Variants in TCEANC2 observed in about 807,000 individuals in gnomAD.
TCEANC2 encodes transcription elongation factor A N-terminal and central domain-containing protein 2.
In TCEANC2, 20 loss-of-function variants were observed where a neutral mutation model predicts 22.8. The ratio of observed to expected loss-of-function variants is 0.88; its 90% CI spans 0.62 to 1.28. The LOEUF (loss-of-function observed/expected upper bound fraction) is 1.28. Ranked by LOEUF, TCEANC2 falls within the 50% of genes most tolerant of loss-of-function variation. TCEANC2 has a pLI of 0.00. For missense variants in TCEANC2, 251 were observed against 249.7 expected (o/e 1.01, Z -0.03); for synonymous variants, 84 against 95.5 (o/e 0.88, Z 0.70).
chr1:54,109,201 A>G (rs1413533074), downstream of TCEANC2, among the ~76,000 whole-genome samples: 1 of 152,250 alleles, frequency 6.6e-6, no homozygotes, highest in East Asian at 1.9e-4. Context: ...AAGGTTTAGC[A>G]GAAATGCTGA....
chr1:54,054,233 T>C, intron 1 of TCEANC2, 148 bp from the exon 2 acceptor site: 2 of 1,439,192 alleles, frequency 1.4e-6, no homozygotes, highest in Non-Finnish European at 1.8e-6. Context: ...GATCTTTCTT[T>C]TAAAGAGAAA....
Position 54,088,731 on chromosome 1 carries a change from A to C in TCEANC2, c.379A>C (p.Lys127Gln). ...RPSIEVRSDP[K>Q]TESLRKNAQK... ...TTCTATTGAAGTTAGAAGTGATCCC[A>C]AAACCGAGTCGTTGAGGAAAAATGC... Residue 127 changes from lysine (K) to glutamine (Q), a missense_variant, in exon 4 of 5, where the codon AAA becomes CAA. Transcript: ENST00000234827. 6.2e-7 allele frequency: 1 copy of C among 1,604,058 alleles called. No individual in the cohort carries two copies. The highest frequency in any genetic ancestry group is 8.5e-7 in the Non-Finnish European group (1 of 1,175,116).
Position 54,096,521 on chromosome 1 carries a change from T to G in TCEANC2, c.*48T>G, listed in dbSNP as rs374789566. On this transcript the variant is annotated 3_prime_UTR_variant, in exon 5 of 5. Transcript: ENST00000234827. This position sits in a 1 kb window ranked among gnomAD's most constrained non-coding sequence, Gnocchi z 4.9. ...GGCCAGGCAGAGAGGAAAATGGGCC[T>G]GTCTCTGCCGTTCAAAGACGCTTTT... is the stretch of plus-strand genomic sequence containing the variant. 9.0e-6 allele frequency: 14 copies of G among 1,555,014 alleles called. No homozygotes were observed. The highest frequency in any genetic ancestry group is 1.2e-5 in the Non-Finnish European group (14 of 1,142,394).
chr1:54,108,338 C>A (rs1390987695), downstream of TCEANC2, among the ~76,000 whole-genome samples: 2 of 152,216 alleles, frequency 1.3e-5, no homozygotes, highest in Admixed American at 6.5e-5. Flanking sequence ...TCCTCACCCC[C>A]AGTACCCCAG....
chr1:54,111,457 G>C (rs969364397), exon 5 of TCEANC2: 6 of 152,166 alleles, frequency 3.9e-5, no homozygotes, highest in African/African-American at 1.4e-4. Context: ...CATGCCTAAG[G>C]GTACTACTCA....
intron 3 of TCEANC2, among the ~76,000 whole-genome samples, chr1:54,081,661 A>G (rs1348235435): frequency 6.9e-6 from 1 of 144,370 alleles, no homozygotes; most frequent in Non-Finnish European, 1.6e-5. Context: ...CCCAGACTGA[A>G]TTGCCTTTTT....
chr1:54,075,527 G>C (rs919518690), intron 3 of TCEANC2, among the ~76,000 whole-genome samples: 2 of 152,170 alleles, frequency 1.3e-5, no homozygotes, highest in Non-Finnish European at 2.9e-5. Context: ...CTAGCCATTA[G>C]GGTATGGACT....
intron 2 of TCEANC2, among the ~76,000 whole-genome samples, chr1:54,068,043 A>G (rs1354157385): frequency 1.3e-5 from 2 of 152,270 alleles, no homozygotes; most frequent in East Asian, 3.8e-4. Flanking sequence ...GAAGAACTTT[A>G]CCATCTCCTT....
downstream of TCEANC2, among the ~76,000 whole-genome samples, chr1:54,108,244 G>C (rs796201230): frequency 1.3e-5 from 2 of 152,308 alleles, no homozygotes; most frequent in African/African-American, 4.8e-5. Flanking sequence ...TCTTTGGCCT[G>C]ATTCTTGTGC....
chr1:54,110,515 G>C (rs551055793), downstream of TCEANC2, among the ~76,000 whole-genome samples: 1 of 152,148 alleles, frequency 6.6e-6, no homozygotes. Context: ...GAAGTGGGAG[G>C]ATTGCCTGAG....
chr1:54,054,126 T>C (rs899910686), intron 1 of TCEANC2: 2 of 677,636 alleles, frequency 3.0e-6, no homozygotes, highest in African/African-American at 3.8e-5. Context: ...ATTCCCCCAA[T>C]GTTGGAATCC....
chr1:54,068,265 C>T (rs1333047200), intron 2 of TCEANC2, among the ~76,000 whole-genome samples: 3 of 152,086 alleles, frequency 2.0e-5, no homozygotes, highest in Non-Finnish European at 4.4e-5. Flanking sequence ...CTCTCTGTAT[C>T]TTTCTATGTG....
At chr1:54,057,177 T>G (rs947763619) in intron 2 of TCEANC2, among the ~76,000 whole-genome samples, 1 of 151,566 alleles carries the variant, frequency 6.6e-6, no homozygotes, top group African/African-American at 2.4e-5. Flanking sequence ...ACTAGAAATC[T>G]AGGAACCATC....
intron 2 of TCEANC2, among the ~76,000 whole-genome samples, chr1:54,060,753 A>C (rs567995999): frequency 1.3e-5 from 2 of 152,084 alleles, no homozygotes; most frequent in African/African-American, 4.8e-5. Flanking sequence ...CAGCCTGGCC[A>C]ACATGGTGAA....
chr1:54,100,977 A>C lies in TCEANC2; in HGVS notation c.*4504A>C, dbSNP rs1460758226. 2 of 152,018 alleles carry C rather than the reference A, an allele frequency of 1.3e-5. No homozygotes were observed. The highest frequency in any genetic ancestry group is 3.8e-4 in the East Asian group (2 of 5,198). The allele number at this position is 152,018 out of a possible 1,614,324, so 9.4% of individuals were successfully genotyped here. A position where few individuals can be genotyped will look rare whatever the true frequency, so the allele number is the denominator to read the frequency against. On this transcript the variant is annotated 3_prime_UTR_variant, in exon 5 of 5. Coordinates refer to ENST00000234827, the MANE Select transcript of TCEANC2 (RefSeq NM_153035.3). ...AATTAGAGGTTTTTTTTTTTTGACA[A>C]ATGAAGTTTAAAGTTGCCCAAACAG... is the stretch of plus-strand genomic sequence containing the variant.
downstream of TCEANC2, among the ~76,000 whole-genome samples, chr1:54,108,936 C>T (rs1193510038): frequency 3.3e-5 from 5 of 152,064 alleles, no homozygotes; most frequent in Admixed American, 1.3e-4. Context: ...CGCACCACTG[C>T]GCTCCAGCCT....
At chr1:54,108,286 G>A (rs1050435609), downstream of TCEANC2, among the ~76,000 whole-genome samples, 1 of 152,118 alleles carries the variant, frequency 6.6e-6, no homozygotes, top group Non-Finnish European at 1.5e-5. Flanking sequence ...CCACACGGAT[G>A]TCCTTATCAC....
At chr1:54,082,125 G>T (rs999127308) in intron 3 of TCEANC2, among the ~76,000 whole-genome samples, 1 of 152,148 alleles carries the variant, frequency 6.6e-6, no homozygotes. Context: ...CCTTGGGCAA[G>T]GTGCCTTACT....
rs753618417 is a variant in TCEANC2 at position 54,054,500 on chromosome 1, G to A, written c.78G>A (p.Lys26=). 4 of 1,613,702 alleles carry A rather than the reference G, an allele frequency of 2.5e-6. No homozygotes were observed. In the East Asian group the frequency reaches 6.7e-5, roughly 27 times the overall value. ...QKKDSGGKVY[K]QATIESLKRV... ...AAGATTCTGGAGGAAAGGTTTACAA[G>A]CAGGCCACGATTGAATCTCTGAAGG... Residue 26 remains lysine (K), a synonymous_variant, in exon 2 of 5, where the codon AAG becomes AAA. Transcript: ENST00000234827.
Sources: gnomAD v4.1 joint callset for allele counts (sites outside exome capture counted in the v4.1 genomes callset) on GRCh38, gnomAD v4.1.1 for gene constraint, Gnocchi (gnomAD v3.1) non-coding constraint, MANE v1.5 for transcripts, NCBI Gene and HGNC (gene_info 2026-07-23, HGNC 2026-07-21) for gene names.